Variants in PSD observed in about 807,000 individuals in gnomAD.
PSD encodes pleckstrin and Sec7 domain containing, also known as PH and SEC7 domain-containing protein 1.
A neutral mutation model predicts 91.6 loss-of-function variants in PSD; 32 were observed. The observed-to-expected ratio is 0.35, with a 90% CI of 0.26 to 0.47. PSD has a LOEUF of 0.47. Ranked by LOEUF, PSD falls within the 20% of genes least tolerant of loss-of-function variation. The probability of loss-of-function intolerance (pLI) is 1.00; values close to 1 mark genes in which losing one functional copy is unlikely to be tolerated. For missense variants in PSD, 1,099 were observed against 1,373.9 expected (o/e 0.80, Z 3.16); for synonymous variants, 532 against 569.3 (o/e 0.93, Z 0.93).
In PSD at chr10:102,404,661, G is replaced by T. The variant is rs774299288; in HGVS notation, c.2622C>A (p.Pro874=). ...INVVAAMFSA[P]PFPAAVSSQK... is the part of the protein sequence containing the mutation. The stretch of plus-strand genomic sequence containing the variant: ...GGGAGCTAACAGCAGCTGGGAAGGG[G>T]GGCGCAGAGAACATAGCGGCTACTA... Residue 874 remains proline (P), a synonymous_variant, in exon 15 of 17, where the codon CCC becomes CCA. Transcript: ENST00000020673. The surrounding 1 kb of genome is among the most constrained non-coding windows in gnomAD (Gnocchi z 5.7). 2.5e-6 allele frequency: 4 copies of T among 1,611,664 alleles called. No individual in the cohort carries two copies. The highest frequency in any genetic ancestry group is 2.2e-5 in the South Asian group (2 of 90,658).
Position 102,405,404 on chromosome 10 carries a change from G to C in PSD, c.2268C>G (p.Ala756=), listed in dbSNP as rs768222172. The C allele has an allele frequency of 6.2e-7, 1 of 1,613,854 alleles. No individual in the cohort carries two copies. Among genetic ancestry groups the C allele is most frequent in the Non-Finnish European group, 8.5e-7 (1 of 1,180,010 alleles). ...GCACCAGGGCCCCGTGCTTGTAGAC[G>C]GCAGCCCCAGGCTCGGGAGTCAGGT... ...FLDLTPEPGA[A]VYKHGALVRK... The change falls in exon 12 of 17, where the codon GCC becomes GCG. Residue 756 remains alanine, a synonymous_variant. Coordinates refer to ENST00000020673, the MANE Select transcript of PSD (RefSeq NM_002779.5). The surrounding 1 kb of genome is among the most constrained non-coding windows in gnomAD (Gnocchi z 5.4).
Position 102,414,295 on chromosome 10 carries a change from C to G in PSD, c.1125-98G>C. 8.5e-7 allele frequency: 1 copy of G among 1,181,390 alleles called. No homozygotes were observed. Among genetic ancestry groups the G allele is most frequent in the Non-Finnish European group, 1.2e-6 (1 of 835,926 alleles). The allele number at this position is 1,181,390 out of a possible 1,614,324, so 73.2% of individuals were successfully genotyped here. ...ACACTGACTCTGCTAAGGGGATTAT[C>G]ATCCCCTTTTCACTGGCTCCAGCCC... On this transcript the variant is annotated intron_variant, in intron 4 of 16. Transcript: ENST00000020673. The surrounding 1 kb of genome is among the most constrained non-coding windows in gnomAD (Gnocchi z 5.6).
At chr10:102,408,566 A>C (rs935382410) in intron 10 of PSD, among the ~76,000 whole-genome samples, 2 of 152,158 alleles carry the variant, frequency 1.3e-5, no homozygotes, top group African/African-American at 4.8e-5. Context: ...TCCAACCTGC[A>C]ATCCTTGCCT....
In PSD at chr10:102,414,925, G is replaced by A. The variant is rs775564314; in HGVS notation, c.1062C>T (p.Asp354=). Residue 354 remains aspartate, a synonymous_variant, in exon 4 of 17, where the codon GAC becomes GAT. Coordinates refer to ENST00000020673, the MANE Select transcript of PSD (RefSeq NM_002779.5). This position sits in a 1 kb window ranked among gnomAD's most constrained non-coding sequence, Gnocchi z 5.6. ...CATCTTCTTCCCCACCTGCCTCATC[G>A]TCGTCCTCATCCTCATTGCCACTGC... ...SLGSGNEDED[D]DEAGGEEDVD... is the part of the protein sequence containing the mutation. The A allele has an allele frequency of 1.4e-5, 21 of 1,523,036 alleles. No individual in the cohort carries two copies. Among genetic ancestry groups the A allele is most frequent in the Admixed American group, 5.7e-5 (3 of 52,476 alleles). 94.3% of individuals were successfully genotyped at this position (1,523,036 alleles called of 1,614,324 possible). A position where few individuals can be genotyped will look rare whatever the true frequency, so the allele number is the denominator to read the frequency against.
Position 102,416,257 on chromosome 10 carries a change from G to T in PSD, c.654+128C>A. ...AGAGACACAGAGACAAACACAGAGG[G>T]CAAGAGAGAGGCAGATTTAGAACAG... On this transcript the variant is annotated intron_variant, in intron 2 of 16. Transcript: ENST00000020673. The surrounding 1 kb of genome is among the most constrained non-coding windows in gnomAD (Gnocchi z 6.0). 7.9e-7 allele frequency: 1 copy of T among 1,264,988 alleles called. No homozygotes were observed. The highest frequency in any genetic ancestry group is 1.1e-6 in the Non-Finnish European group (1 of 904,032). The allele number at this position is 1,264,988 out of a possible 1,614,324, so 78.4% of individuals were successfully genotyped here. A position where few individuals can be genotyped will look rare whatever the true frequency, so the allele number is the denominator to read the frequency against.
chr10:102,416,131 AGG>A lies in PSD; in HGVS notation c.655-14_655-13del. On this transcript the variant is annotated splice_polypyrimidine_tract_variant and intron_variant, in intron 2 of 16. Transcript: ENST00000020673. The surrounding 1 kb of genome is among the most constrained non-coding windows in gnomAD (Gnocchi z 6.0). ...GACCAGGTATCCCCCTGAGCCAACG[AGG>A]GAGACACAGGCACCCAGAGATAAAG... The A allele has an allele frequency of 6.3e-7, 1 of 1,578,950 alleles. No homozygotes were observed. Among genetic ancestry groups the A allele is most frequent in the South Asian group, 1.1e-5 (1 of 89,524 alleles).
Position 102,416,403 on chromosome 10 carries a change from G to A in PSD, c.636C>T (p.Asp212=). 6.2e-7 allele frequency: 1 copy of A among 1,603,784 alleles called. No individual in the cohort carries two copies. The highest frequency in any genetic ancestry group is 1.1e-5 in the South Asian group (1 of 89,146). ...RLATLFGGPA[D]TGFLNQGDTW... ...TGCATACCTGGTTCAGGAATCCAGTGTCAGCAGGTCCTCCGAAGAGTGTGG... is the reference window on the plus strand; with the variant it reads ...TGCATACCTGGTTCAGGAATCCAGTATCAGCAGGTCCTCCGAAGAGTGTGG... The change falls in exon 2 of 17, where the codon GAC becomes GAT. Residue 212 remains aspartate (D), a synonymous_variant. Transcript: ENST00000020673. This position sits in a 1 kb window ranked among gnomAD's most constrained non-coding sequence, Gnocchi z 6.0.
rs1013953519 is a variant in PSD at position 102,410,231 on chromosome 10, C to T, written c.2091+627G>A. ...AGGAGTGAACCCACTGGATGAGCCA[C>T]TCCCTTCTCCTACCGGCACCAGCCC... is the stretch of plus-strand genomic sequence containing the variant. On this transcript the variant is annotated intron_variant, in intron 10 of 16. Transcript: ENST00000020673. The surrounding 1 kb of genome is among the most constrained non-coding windows in gnomAD (Gnocchi z 6.0). Among the ~76,000 whole-genome samples, 2 of 152,160 alleles carry T rather than the reference C, an allele frequency of 1.3e-5. No homozygotes were observed. The highest frequency in any genetic ancestry group is 2.9e-5 in the Non-Finnish European group (2 of 68,036).
At position 102,414,305 on chromosome 10, in the gene PSD, T is replaced by C. The variant is rs1342978769; in HGVS notation, c.1125-108A>G. The stretch of plus-strand genomic sequence containing the variant: ...TGCTAAGGGGATTATCATCCCCTTT[T>C]CACTGGCTCCAGCCCACTAACAAAA... On this transcript the variant is annotated intron_variant, in intron 4 of 16. Coordinates refer to ENST00000020673, the MANE Select transcript of PSD (RefSeq NM_002779.5). The surrounding 1 kb of genome is among the most constrained non-coding windows in gnomAD (Gnocchi z 5.6). The C allele has an allele frequency of 1.8e-6, 2 of 1,107,520 alleles. No individual in the cohort carries two copies. Among genetic ancestry groups the C allele is most frequent in the African/African-American group, 3.2e-5 (2 of 63,090 alleles). The allele number at this position is 1,107,520 out of a possible 1,614,324, so 68.6% of individuals were successfully genotyped here. A position where few individuals can be genotyped will look rare whatever the true frequency, so the allele number is the denominator to read the frequency against.
At position 102,414,805 on chromosome 10, in the gene PSD, A is replaced by G; in HGVS notation, c.1124+58T>C. 1 of 1,476,634 alleles carries G rather than the reference A, an allele frequency of 6.8e-7. No homozygotes were observed. The highest frequency in any genetic ancestry group is 2.3e-5 in the East Asian group (1 of 43,366). The allele number at this position is 1,476,634 out of a possible 1,614,324, so 91.5% of individuals were successfully genotyped here. On this transcript the variant is annotated intron_variant, in intron 4 of 16. Transcript: ENST00000020673. This position sits in a 1 kb window ranked among gnomAD's most constrained non-coding sequence, Gnocchi z 5.6. ...TTGAGCCCGGCTCTGCCTGTGGGCC[A>G]GTGCGAAGGAGCAAGCCGCTTCCCT...
At position 102,405,836 on chromosome 10, in the gene PSD, CT is replaced by C; in HGVS notation, c.2136-301del. The C allele has an allele frequency of 3.1e-6, 1 of 325,244 alleles. No homozygotes were observed. Among genetic ancestry groups the C allele is most frequent in the Non-Finnish European group, 5.7e-6 (1 of 175,294 alleles). The allele number at this position is 325,244 out of a possible 1,614,324, so 20.1% of individuals were successfully genotyped here. On this transcript the variant is annotated intron_variant, in intron 11 of 16. Transcript: ENST00000020673. This position sits in a 1 kb window ranked among gnomAD's most constrained non-coding sequence, Gnocchi z 5.4. ...GCACACCTGCAGCCCTCACACCCTT[CT>C]CCACCAGGACAGCCCCGGGCCTGCC...
chr10:102,413,673 T>C (rs1383284399), intron 5 of PSD, 96 bp downstream of exon 5: 4 of 1,322,754 alleles, frequency 3.0e-6, no homozygotes, highest in Non-Finnish European at 3.1e-6. Flanking sequence ...GGGTCAGGAA[T>C]ATAAACCAAT....
Position 102,403,744 on chromosome 10 carries a change from G to C in PSD, c.2844+98C>G. 6.9e-7 allele frequency: 1 copy of C among 1,454,306 alleles called. No individual in the cohort carries two copies. The highest frequency in any genetic ancestry group is 9.2e-7 in the Non-Finnish European group (1 of 1,089,042). The allele number at this position is 1,454,306 out of a possible 1,614,324, so 90.1% of individuals were successfully genotyped here. A position where few individuals can be genotyped will look rare whatever the true frequency, so the allele number is the denominator to read the frequency against. On this transcript the variant is annotated intron_variant, in intron 16 of 16. Transcript: ENST00000020673. The surrounding 1 kb of genome is among the most constrained non-coding windows in gnomAD (Gnocchi z 6.7). Reference sequence around the variant, plus strand: ...AACTGAGGCTTAGGTTAAGCAACCTGCCCAAGGACCTCCGGCCGGTTCCAC... The same window carrying C: ...AACTGAGGCTTAGGTTAAGCAACCTCCCCAAGGACCTCCGGCCGGTTCCAC...
intron 11 of PSD, 98 bp downstream of exon 11, chr10:102,407,125 C>CA: frequency 8.7e-7 from 1 of 1,147,070 alleles, no homozygotes; most frequent in Non-Finnish European, 1.2e-6. Context: ...CTCCCCTCCC[C>CA]TACCCCCACC....
At chr10:102,418,544 C>G (rs1033802017) in intron 1 of PSD, among the ~76,000 whole-genome samples, 157 bp downstream of exon 1, 6 of 152,098 alleles carry the variant, frequency 3.9e-5, no homozygotes, top group Admixed American at 3.9e-4. Flanking sequence ...AGATCCCGCC[C>G]AGGAGAGACC....
Position 102,416,600 on chromosome 10 carries a change from G to T in PSD, c.439C>A (p.Arg147=), listed in dbSNP as rs138323313. Residue 147 remains arginine (R), a synonymous_variant, in exon 2 of 17, where the codon CGG becomes AGG. Transcript: ENST00000020673. This position sits in a 1 kb window ranked among gnomAD's most constrained non-coding sequence, Gnocchi z 6.0. ...GTGGATGCTTCCAGCCGTAACTTCC[G>T]GTTGGAGCCAGGCCCAAGGGCTGGG... ...PTPALGPGSN[R]KLRLEASTSD... The T allele has an allele frequency of 6.2e-4, 986 of 1,594,668 alleles. 3 individuals carry two copies. In the African/African-American group the frequency reaches 6.3e-3, roughly 10 times the overall value.
rs1318353527 is a variant in PSD, at chr10:102,410,152, GT to G, written c.2091+705del. On this transcript the variant is annotated intron_variant, in intron 10 of 16. Transcript: ENST00000020673. The surrounding 1 kb of genome is among the most constrained non-coding windows in gnomAD (Gnocchi z 6.0). ...GAGACACCTTTGTCCTAGCCTGGGG[GT>G]TTCTTCAAGTGAGTCCAGGCCTCTC... Among the ~76,000 whole-genome samples, 1 of 152,184 alleles carries G rather than the reference GT, an allele frequency of 6.6e-6. No homozygotes were observed. Among genetic ancestry groups the G allele is most frequent in the Non-Finnish European group, 1.5e-5 (1 of 68,032 alleles).
Position 102,405,120 on chromosome 10 carries a change from C to T in PSD, c.2397+63G>A. Reference sequence around the variant, plus strand: ...CTGGCCCAGCCCCTCCTATTCCCACCCATCACCCCACACCCACCAGCCAAC... The same window carrying T: ...CTGGCCCAGCCCCTCCTATTCCCACTCATCACCCCACACCCACCAGCCAAC... On this transcript the variant is annotated intron_variant, in intron 13 of 16. Coordinates refer to ENST00000020673, the MANE Select transcript of PSD (RefSeq NM_002779.5). The surrounding 1 kb of genome is among the most constrained non-coding windows in gnomAD (Gnocchi z 5.4). The T allele has an allele frequency of 6.2e-7, 1 of 1,610,226 alleles. No individual in the cohort carries two copies. The highest frequency in any genetic ancestry group is 1.3e-5 in the African/African-American group (1 of 74,972).
chr10:102,416,179 G>GA lies in PSD; in HGVS notation c.655-61dup. ...TAAAGCCAGACATACAAGGACACAA[G>GA]AATATGGGACAGAAACAGAAATTAA... On this transcript the variant is annotated intron_variant, in intron 2 of 16. Transcript: ENST00000020673. This position sits in a 1 kb window ranked among gnomAD's most constrained non-coding sequence, Gnocchi z 6.0. 2 of 1,362,912 alleles carry GA rather than the reference G, an allele frequency of 1.5e-6. No homozygotes were observed. The highest frequency in any genetic ancestry group is 1.8e-4 in the Middle Eastern group (1 of 5,582). The allele number at this position is 1,362,912 out of a possible 1,614,324, so 84.4% of individuals were successfully genotyped here. A position where few individuals can be genotyped will look rare whatever the true frequency, so the allele number is the denominator to read the frequency against.
Sources: gnomAD v4.1 joint callset for allele counts (sites outside exome capture counted in the v4.1 genomes callset) on GRCh38, gnomAD v4.1.1 for gene constraint, Gnocchi (gnomAD v3.1) non-coding constraint, MANE v1.5 for transcripts, NCBI Gene and HGNC (gene_info 2026-07-23, HGNC 2026-07-21) for gene names.